SMARCA2: variants seen among roughly 807,000 people sequenced by gnomAD.
The protein encoded by SMARCA2 is SWI/SNF related BAF chromatin remodeling complex subunit ATPase 2.
A neutral mutation model predicts 199.8 loss-of-function variants in SMARCA2; 61 were observed. The ratio of observed to expected loss-of-function variants is 0.31; its 90% CI spans 0.25 to 0.38. The LOEUF is 0.38. SMARCA2 is among the 10% of genes least tolerant of loss of function. SMARCA2 has a pLI of 1.00. For synonymous variants in SMARCA2, 935 were observed against 732.0 expected (o/e 1.28, Z -4.48); for missense variants, 1,344 against 2,012.2 (o/e 0.67, Z 6.35).
At chr9:2,126,492 T>C (rs1823702906) in intron 27 of SMARCA2, among the ~76,000 whole-genome samples, 1 of 152,232 alleles carries the variant, frequency 6.6e-6, no homozygotes, top group Non-Finnish European at 1.5e-5. Flanking sequence ...CTGTTAAGCT[T>C]TTTTGATGAT....
chr9:2,042,593 G>C (rs1395106861), intron 4 of SMARCA2: 1 of 151,600 alleles, frequency 6.6e-6, no homozygotes, highest in South Asian at 2.1e-4. Context: ...CACAATAAAT[G>C]CTTCATGTCC....
intron 31 of SMARCA2, 21 bp downstream of exon 31, chr9:2,182,263 T>G (rs1827088505): frequency 1.4e-6 from 2 of 1,441,474 alleles, no homozygotes; most frequent in East Asian, 4.5e-5. Flanking sequence ...TTAAGTTGTC[T>G]AAAAGTTCTT....
Position 2,078,958 on chromosome 9 carries a change from A to G in SMARCA2, c.2184+1182A>G, listed in dbSNP as rs111551492. On this transcript the variant is annotated intron_variant, in intron 14 of 33. Coordinates refer to ENST00000349721, the MANE Select transcript of SMARCA2 (RefSeq NM_003070.5). ...AGACTCTATCCAAAAAAATAAATAA[A>G]TAAATAAAAATAAAAATAGATAAAT... Among the ~76,000 whole-genome samples the G allele has an allele frequency of 9.5e-4, 144 of 152,154 alleles. 1 individual carries two copies. Among genetic ancestry groups the G allele is most frequent in the African/African-American group, 3.3e-3 (139 of 41,544 alleles).
intron 24 of SMARCA2, among the ~76,000 whole-genome samples, chr9:2,111,460 C>G (rs537124371): frequency 4.0e-5 from 6 of 149,186 alleles, no homozygotes; most frequent in South Asian, 4.3e-4. Context: ...CCACCGCTCT[C>G]CAGCCCGGGC....
intron 32 of SMARCA2, among the ~76,000 whole-genome samples, chr9:2,188,413 C>T (rs1421372568): frequency 6.6e-6 from 1 of 152,066 alleles, no homozygotes; most frequent in South Asian, 2.1e-4. Context: ...ACGTCATTTT[C>T]TATTATCTAT....
chr9:2,184,312 C>T (rs1691783172), intron 31 of SMARCA2, among the ~76,000 whole-genome samples: 1 of 150,698 alleles, frequency 6.6e-6, no homozygotes, highest in African/African-American at 2.4e-5. Context: ...GTACCTTTTA[C>T]TTCTCAAGAT....
At chr9:2,084,609 G>T (rs1011683648) in intron 17 of SMARCA2, among the ~76,000 whole-genome samples, 10 of 152,078 alleles carry the variant, frequency 6.6e-5, no homozygotes, top group East Asian at 5.8e-4. Context: ...TTGTGCCTTT[G>T]TTTCTCCAAA....
chr9:2,150,084 C>G (rs1230408065), intron 27 of SMARCA2, among the ~76,000 whole-genome samples: 1 of 151,464 alleles, frequency 6.6e-6, no homozygotes, highest in Non-Finnish European at 1.5e-5. Flanking sequence ...GTATCTATTG[C>G]TAACCAAATA....
intron 29 of SMARCA2, among the ~76,000 whole-genome samples, chr9:2,176,293 C>G (rs1366797445): frequency 6.7e-6 from 1 of 148,870 alleles, no homozygotes; most frequent in African/African-American, 2.5e-5. Context: ...AACTGTTAAA[C>G]GTTTTGGCTG....
intron 31 of SMARCA2, among the ~76,000 whole-genome samples, chr9:2,183,771 G>C (rs1352580370): frequency 6.6e-6 from 1 of 152,230 alleles, no homozygotes; most frequent in Non-Finnish European, 1.5e-5. Context: ...CAAGGAAAAA[G>C]TTAAGCTTGA....
In SMARCA2 at chr9:2,054,736, C is replaced by T. The variant is rs770442017; in HGVS notation, c.1173+13C>T. 2.5e-6 allele frequency: 4 copies of T among 1,613,484 alleles called. No individual in the cohort carries two copies. The South Asian group carries it at 3.3e-5, about 13-fold the overall frequency. ...TTTCCAGCGTCAGGTAATACATTTTCCCCAGTGAATCTGAGATGTAGGAAA... is the reference window on the plus strand; with the variant it reads ...TTTCCAGCGTCAGGTAATACATTTTTCCCAGTGAATCTGAGATGTAGGAAA... On this transcript the variant is annotated intron_variant, in intron 6 of 33. Coordinates refer to ENST00000349721, the MANE Select transcript of SMARCA2 (RefSeq NM_003070.5).
intron 1 of SMARCA2, 132 bp from the exon 2 acceptor site, chr9:2,028,855 T>A (rs1021735118): frequency 2.8e-6 from 2 of 713,644 alleles, no homozygotes; most frequent in African/African-American, 1.8e-5. Flanking sequence ...CACTCAAACA[T>A]CTGGACTAGA....
At chr9:2,175,309 C>G (rs79860974) in intron 29 of SMARCA2, among the ~76,000 whole-genome samples, 8 of 144,850 alleles carry the variant, frequency 5.5e-5, no homozygotes, top group Non-Finnish European at 9.1e-5. Context: ...TTGTCCCCGC[C>G]CCCCCCCAAC....
intron 27 of SMARCA2, among the ~76,000 whole-genome samples, chr9:2,132,513 C>T (rs1359337105): frequency 6.6e-6 from 1 of 152,168 alleles, no homozygotes; most frequent in Non-Finnish European, 1.5e-5. Flanking sequence ...TATTTGGCTG[C>T]ATTTGTTTTG....
At chr9:2,087,300 G>A (rs181545336) in intron 18 of SMARCA2, 44 of 532,414 alleles carry the variant, frequency 8.3e-5, no homozygotes, top group African/African-American at 6.6e-4. Context: ...TCTTTTGCCA[G>A]CATGTTTACC....
chr9:2,088,348 A>G, intron 18 of SMARCA2, 152 bp from the exon 19 acceptor site: 1 of 773,784 alleles, frequency 1.3e-6, no homozygotes, highest in Non-Finnish European at 1.9e-6. Flanking sequence ...GTGGGAAGAT[A>G]ATTCAGAGGT....
intron 10 of SMARCA2, chr9:2,071,947 A>C (rs1043568860): frequency 1.3e-5 from 2 of 152,200 alleles, no homozygotes; most frequent in East Asian, 3.8e-4. Context: ...ACAAAAGAAA[A>C]AAACGACAAT....
intron 1 of SMARCA2, among the ~76,000 whole-genome samples, chr9:2,023,006 T>A (rs762564956): frequency 2.0e-5 from 3 of 152,246 alleles, no homozygotes; most frequent in Non-Finnish European, 4.4e-5. Context: ...TTTCTAACAC[T>A]TAGGTTTTCT....
intron 29 of SMARCA2, among the ~76,000 whole-genome samples, chr9:2,177,420 T>G (rs1826684964): frequency 6.6e-6 from 1 of 152,176 alleles, no homozygotes. Context: ...CACTATCTAT[T>G]AGCTATTCTG....
Sources: gnomAD v4.1 joint callset for allele counts (sites outside exome capture counted in the v4.1 genomes callset) on GRCh38, gnomAD v4.1.1 for gene constraint, MANE v1.5 for transcripts, NCBI Gene and HGNC (gene_info 2026-07-23, HGNC 2026-07-21) for gene names.